The following FAM24B variants were observed in gnomAD, a reference collection of about 807,000 sequenced individuals.
The protein encoded by FAM24B is family with sequence similarity 24 member B.
A neutral mutation model predicts 2.3 loss-of-function variants in FAM24B; 3 were observed. The ratio of observed to expected loss-of-function variants is 1.29; its 90% CI spans 0.59 to 3.32. FAM24B has a LOEUF of 3.32. Ranked by LOEUF, FAM24B falls within the 30% of genes most tolerant of loss-of-function variation. The probability of loss-of-function intolerance (pLI) is 0.03; values close to 1 mark genes in which losing one functional copy is unlikely to be tolerated. For missense variants in FAM24B, 98 were observed against 117.2 expected (o/e 0.84, Z 0.76); for synonymous variants, 36 against 46.3 (o/e 0.78, Z 0.90).
chr10:122,855,754 C>G lies in FAM24B; in HGVS notation c.-145G>C, dbSNP rs1011392764. 1.3e-5 allele frequency: 2 copies of G among 152,264 alleles called. No homozygotes were observed. The highest frequency in any genetic ancestry group is 4.8e-5 in the African/African-American group (2 of 41,468). The allele number at this position is 152,264 out of a possible 1,614,324, so 9.4% of individuals were successfully genotyped here. A position where few individuals can be genotyped will look rare whatever the true frequency, so the allele number is the denominator to read the frequency against. On this transcript the variant is annotated 5_prime_UTR_variant, in exon 2 of 4. Transcript: ENST00000368898. ...TCAGGCATCCTCCAGGGTCTTCCAA[C>G]TGCAGCTTCCCATCTCACCACTTCT...
In FAM24B at chr10:122,849,325, C is replaced by T. The variant is rs777784317; in HGVS notation, c.207G>A (p.Gln69=). ...TIATESCPAL[Q]CCEGYRMCAS... is the part of the protein sequence containing the mutation. Reference sequence around the variant, plus strand: ...CACACATTCTATATCCTTCACAGCACTGCAGGGCAGGACAAGACTCCGTGG... The same window carrying T: ...CACACATTCTATATCCTTCACAGCATTGCAGGGCAGGACAAGACTCCGTGG... Residue 69 remains glutamine, a synonymous_variant, in exon 4 of 4, where the codon CAG becomes CAA. Transcript: ENST00000368898. The T allele has an allele frequency of 1.1e-5, 17 of 1,613,252 alleles. No homozygotes were observed. The highest frequency in any genetic ancestry group is 1.4e-5 in the Non-Finnish European group (17 of 1,179,572).
rs187923061 is a variant in FAM24B, at chr10:122,849,151, T to C, written c.*96A>G. The C allele has an allele frequency of 1.3e-5, 12 of 889,704 alleles. No homozygotes were observed. The allele number at this position is 889,704 out of a possible 1,614,324, so 55.1% of individuals were successfully genotyped here. The stretch of plus-strand genomic sequence containing the variant: ...ATATAAAACAACACTGTAAATTATA[T>C]AATCTCACATAAAAACACTAGAACT... On this transcript the variant is annotated 3_prime_UTR_variant, in exon 4 of 4. Coordinates refer to ENST00000368898, the MANE Select transcript of FAM24B (RefSeq NM_152644.3).
intron 2 of FAM24B, 38 bp from the exon 3 acceptor site, chr10:122,850,588 G>C: frequency 3.8e-6 from 4 of 1,051,468 alleles, no homozygotes; most frequent in Non-Finnish European, 6.0e-6. Context: ...GAGCCCACGT[G>C]GTCTCCCTCC....
At chr10:122,874,772 G>T (rs1272125156) in intron 1 of FAM24B, among the ~76,000 whole-genome samples, 2 of 152,156 alleles carry the variant, frequency 1.3e-5, no homozygotes, top group Non-Finnish European at 2.9e-5. Context: ...GGCTTTGAAT[G>T]CAACCCAACA....
At chr10:122,877,143 CACG>C (rs747130933) in intron 1 of FAM24B, among the ~76,000 whole-genome samples, 53 of 152,314 alleles carry the variant, frequency 3.5e-4, no homozygotes, top group Admixed American at 1.0e-3. Context: ...ATTTGCCATT[CACG>C]ACAAGAGTAA....
At chr10:122,859,438 A>G (rs1847693501) in intron 1 of FAM24B, among the ~76,000 whole-genome samples, 1 of 152,226 alleles carries the variant, frequency 6.6e-6, no homozygotes, top group African/African-American at 2.4e-5. Flanking sequence ...GGTGAGTGAG[A>G]GATGGCCTTG....
chr10:122,876,056 C>T (rs1216365860), intron 1 of FAM24B, among the ~76,000 whole-genome samples: 1 of 152,220 alleles, frequency 6.6e-6, no homozygotes, highest in Non-Finnish European at 1.5e-5. Context: ...CATGTAAGAC[C>T]CAAAATCAAA....
At chr10:122,870,848 T>C (rs1052914002) in intron 1 of FAM24B, among the ~76,000 whole-genome samples, 2 of 152,168 alleles carry the variant, frequency 1.3e-5, no homozygotes, top group Non-Finnish European at 2.9e-5. Context: ...GGACAAAAAC[T>C]GGAAGCATTC....
At chr10:122,870,261 C>G (rs1221950765) in intron 1 of FAM24B, among the ~76,000 whole-genome samples, 1 of 152,116 alleles carries the variant, frequency 6.6e-6, no homozygotes, top group Non-Finnish European at 1.5e-5. Context: ...CTGAATAGAC[C>G]AATAACAGGT....
intron 1 of FAM24B, among the ~76,000 whole-genome samples, chr10:122,866,765 C>T (rs777367585): frequency 1.3e-4 from 20 of 152,120 alleles, no homozygotes; most frequent in Admixed American, 3.9e-4. Flanking sequence ...TCCCTCATCT[C>T]TCTCCCTATT....
intron 1 of FAM24B, among the ~76,000 whole-genome samples, chr10:122,862,122 C>T (rs1411383830): frequency 6.6e-6 from 1 of 152,192 alleles, no homozygotes. Context: ...CAGCCCCTCC[C>T]CAAGACATGT....
intron 1 of FAM24B, among the ~76,000 whole-genome samples, chr10:122,868,700 G>A (rs1847843128): frequency 6.6e-6 from 1 of 152,128 alleles, no homozygotes. Context: ...ATAAGTGAAG[G>A]AGAAATAAAA....
chr10:122,863,756 C>A (rs1847760362), intron 1 of FAM24B, among the ~76,000 whole-genome samples: 1 of 152,216 alleles, frequency 6.6e-6, no homozygotes, highest in South Asian at 2.1e-4. Context: ...GGGCTCTTTA[C>A]CAACATCTCC....
At chr10:122,876,818 G>A (rs530986351) in intron 1 of FAM24B, among the ~76,000 whole-genome samples, 14 of 152,274 alleles carry the variant, frequency 9.2e-5, no homozygotes, top group Admixed American at 3.3e-4. Context: ...AGTGGTTTAC[G>A]TGTCACAGAT....
At position 122,849,590 on chromosome 10, in the gene FAM24B, G is replaced by A; in HGVS notation, c.93-151C>T. On this transcript the variant is annotated intron_variant, in intron 3 of 3. Coordinates refer to ENST00000368898, the MANE Select transcript of FAM24B (RefSeq NM_152644.3). ...ATTAAAGCTCTCTCCCCCATCCCAA[G>A]TTCCTCTCGAATCCTTTCCTCTTCT... 6.6e-6 allele frequency: 4 copies of A among 610,230 alleles called. No individual in the cohort carries two copies. The South Asian group carries it at 1.2e-4, about 18-fold the overall frequency. 37.8% of individuals were successfully genotyped at this position (610,230 alleles called of 1,614,324 possible). A position where few individuals can be genotyped will look rare whatever the true frequency, so the allele number is the denominator to read the frequency against.
intron 1 of FAM24B, among the ~76,000 whole-genome samples, chr10:122,870,118 C>A (rs1847869214): frequency 6.6e-6 from 1 of 152,128 alleles, no homozygotes; most frequent in South Asian, 2.1e-4. Context: ...CCACTGATCC[C>A]ACAGAAATAC....
At position 122,874,631 on chromosome 10, in the gene FAM24B, A is replaced by C. The variant is rs144667496; in HGVS notation, c.-178+4854T>G. ...TATAATTCTTTTCTTGTTCCTCTAT[A>C]GCATGTATTTTTTCCTCTGGCTCCT... On this transcript the variant is annotated intron_variant, in intron 1 of 3. Transcript: ENST00000368898. Among the ~76,000 whole-genome samples the C allele has an allele frequency of 2.3e-3, 352 of 152,136 alleles. 1 individual carries two copies. The highest frequency in any genetic ancestry group is 8.0e-3 in the African/African-American group (330 of 41,474).
In FAM24B at chr10:122,850,483, G is replaced by A; in HGVS notation, c.33C>T (p.Ala11=). Reference sequence around the variant, plus strand: ...GCACGACAACTATCAGCAGGAGCAAGGCCGCCAGGATACCACCAGCGATGA... The same window carrying A: ...GCACGACAACTATCAGCAGGAGCAAAGCCGCCAGGATACCACCAGCGATGA... MPVIAGGILA[A]LLLLIVVVLC... is the part of the protein sequence containing the mutation. The change falls in exon 3 of 4, where the codon GCC becomes GCT. Residue 11 remains alanine (A), a synonymous_variant. Coordinates refer to ENST00000368898, the MANE Select transcript of FAM24B (RefSeq NM_152644.3). 2 of 1,614,080 alleles carry A rather than the reference G, an allele frequency of 1.2e-6. No homozygotes were observed. The highest frequency in any genetic ancestry group is 1.7e-6 in the Non-Finnish European group (2 of 1,179,946).
Position 122,849,180 on chromosome 10 carries a change from T to C in FAM24B, c.*67A>G, listed in dbSNP as rs1847482558. The C allele has an allele frequency of 3.3e-6, 4 of 1,228,066 alleles. No homozygotes were observed. The highest frequency in any genetic ancestry group is 4.4e-6 in the Non-Finnish European group (4 of 905,254). 76.1% of individuals were successfully genotyped at this position (1,228,066 alleles called of 1,614,324 possible). A position where few individuals can be genotyped will look rare whatever the true frequency, so the allele number is the denominator to read the frequency against. ...CTCACATAAAAACACTAGAACTTGA[T>C]TTGAATAACAAAACAATCTACTAAG... On this transcript the variant is annotated 3_prime_UTR_variant, in exon 4 of 4. Coordinates refer to ENST00000368898, the MANE Select transcript of FAM24B (RefSeq NM_152644.3).
Sources: allele counts gnomAD v4.1 joint callset (sites outside exome capture counted in the v4.1 genomes callset), GRCh38; gene constraint gnomAD v4.1.1; transcripts MANE v1.5; gene names NCBI Gene and HGNC (gene_info 2026-07-23, HGNC 2026-07-21).